Variants in CALCR observed in about 807,000 individuals in gnomAD.
CALCR encodes the protein calcitonin receptor.
CALCR carries 47 observed loss-of-function variants against 59.5 expected under a neutral mutation model. That is an observed-to-expected ratio of 0.79 (90% CI 0.63 to 1.01). The LOEUF (loss-of-function observed/expected upper bound fraction) is 1.01. Ranked by LOEUF, CALCR falls within the 50% of genes least tolerant of loss-of-function variation. The pLI is 0.00. For missense variants in CALCR, 566 were observed against 597.1 expected, an observed-to-expected ratio of 0.95 and a Z score of 0.54; for synonymous variants, 213 against 211.3, an observed-to-expected ratio of 1.01 and a Z score of -0.07.
At chr7:93,489,953 C>T (rs1345896136) in intron 2 of CALCR, among the ~76,000 whole-genome samples, 1 of 151,722 alleles carries the variant, frequency 6.6e-6, no homozygotes, top group Non-Finnish European at 1.5e-5. Context: ...AGAGACACAA[C>T]AAAAGAAGAA....
intron 13 of CALCR, among the ~76,000 whole-genome samples, chr7:93,433,413 A>G (rs905721228): frequency 2.0e-5 from 3 of 152,186 alleles, no homozygotes; most frequent in Non-Finnish European, 2.9e-5. Context: ...TCCAGGAAGG[A>G]ATTATAGATA....
intron 2 of CALCR, among the ~76,000 whole-genome samples, chr7:93,506,408 C>T (rs1421231991): frequency 6.6e-6 from 1 of 152,142 alleles, no homozygotes; most frequent in African/African-American, 2.4e-5. Flanking sequence ...CACTTGAGGC[C>T]TCATAACCAA....
intron 2 of CALCR, among the ~76,000 whole-genome samples, chr7:93,501,366 T>C (rs984123529): frequency 1.3e-5 from 2 of 152,124 alleles, no homozygotes; most frequent in Admixed American, 1.3e-4. Flanking sequence ...TGGCACATTA[T>C]AATTTTACAA....
chr7:93,502,613 T>C (rs967918290), intron 2 of CALCR, among the ~76,000 whole-genome samples: 8 of 152,098 alleles, frequency 5.3e-5, no homozygotes, highest in Admixed American at 1.3e-4. Context: ...AAGGTTTTTT[T>C]CCTCTTGATA....
At position 93,425,737 on chromosome 7, in the gene CALCR, A is replaced by G; in HGVS notation, c.*619T>C. Reference sequence around the variant, plus strand: ...AATGTTTTCAGCAAATTGACTCTAAATTTCTTTTGCATTCAAAGCATACAT... The same window carrying G: ...AATGTTTTCAGCAAATTGACTCTAAGTTTCTTTTGCATTCAAAGCATACAT... On this transcript the variant is annotated 3_prime_UTR_variant, in exon 14 of 14. Coordinates refer to ENST00000426151, the MANE Select transcript of CALCR (RefSeq NM_001742.4). The G allele has an allele frequency of 6.6e-6, 1 of 152,220 alleles. No individual in the cohort carries two copies. Among genetic ancestry groups the G allele is most frequent in the South Asian group, 2.1e-4 (1 of 4,828 alleles). 9.4% of individuals were successfully genotyped at this position (152,220 alleles called of 1,614,324 possible). A position where few individuals can be genotyped will look rare whatever the true frequency, so the allele number is the denominator to read the frequency against.
intron 7 of CALCR, among the ~76,000 whole-genome samples, chr7:93,461,421 C>A (rs1035942576): frequency 3.9e-5 from 6 of 152,130 alleles, no homozygotes; most frequent in Non-Finnish European, 8.8e-5. Context: ...TGAGCCATTG[C>A]ATACACACAC....
chr7:93,505,032 C>T (rs1487412250), intron 2 of CALCR, among the ~76,000 whole-genome samples: 1 of 152,054 alleles, frequency 6.6e-6, no homozygotes, highest in Admixed American at 6.6e-5. Flanking sequence ...GTCCCACCAC[C>T]TATACTATTT....
rs1022418154 is a variant in CALCR, at chr7:93,425,221, T to C, written c.*1135A>G. ...ACATGAATTGATTTATGGTTAAATT[T>C]GGAGCAGTTAATTTTTTCCCCTCCT... On this transcript the variant is annotated 3_prime_UTR_variant, in exon 14 of 14. Transcript: ENST00000426151. 6.6e-6 allele frequency: 1 copy of C among 152,618 alleles called. No homozygotes were observed. Among genetic ancestry groups the C allele is most frequent in the Non-Finnish European group, 1.5e-5 (1 of 68,020 alleles). The allele number at this position is 152,618 out of a possible 1,614,324, so 9.5% of individuals were successfully genotyped here. A position where few individuals can be genotyped will look rare whatever the true frequency, so the allele number is the denominator to read the frequency against.
intron 11 of CALCR, among the ~76,000 whole-genome samples, chr7:93,437,457 T>TA (rs916389190): frequency 6.6e-6 from 1 of 152,100 alleles, no homozygotes; most frequent in African/African-American, 2.4e-5. Flanking sequence ...ACTTTTCCCT[T>TA]AAAAAAATCA....
chr7:93,536,760 T>C (rs1789001135), intron 2 of CALCR, among the ~76,000 whole-genome samples: 3 of 151,850 alleles, frequency 2.0e-5, no homozygotes, highest in Admixed American at 6.6e-5. Context: ...GTTTATTTTT[T>C]CTCATGTTGG....
At chr7:93,447,832 A>G (rs1800035020) in intron 8 of CALCR, among the ~76,000 whole-genome samples, 1 of 151,950 alleles carries the variant, frequency 6.6e-6, no homozygotes, top group African/African-American at 2.4e-5. Context: ...AAATGCCAAT[A>G]CCTCAGGAAG....
chr7:93,429,435 A>T (rs1235032550), intron 13 of CALCR, among the ~76,000 whole-genome samples: 2 of 152,228 alleles, frequency 1.3e-5, no homozygotes, highest in Non-Finnish European at 2.9e-5. Context: ...TCACTAAAAA[A>T]GCAATACACA....
intron 3 of CALCR, among the ~76,000 whole-genome samples, chr7:93,485,585 T>C (rs1052077701): frequency 4.0e-5 from 6 of 151,640 alleles, no homozygotes; most frequent in Non-Finnish European, 8.9e-5. Flanking sequence ...ATTTGAGCTA[T>C]GAAAAATAAC....
chr7:93,448,377 T>C (rs1196608674), intron 8 of CALCR, among the ~76,000 whole-genome samples: 1 of 152,006 alleles, frequency 6.6e-6, no homozygotes, highest in Non-Finnish European at 1.5e-5. Context: ...ATAACAGCCA[T>C]ATGTTTCCTA....
At chr7:93,483,932 C>A in intron 3 of CALCR, 1 of 483,218 alleles carries the variant, frequency 2.1e-6, no homozygotes, top group Non-Finnish European at 4.5e-6. Context: ...AATTGTTGTC[C>A]CATGTAGCAG....
intron 2 of CALCR, among the ~76,000 whole-genome samples, chr7:93,515,834 C>T (rs1801639231): frequency 6.6e-6 from 1 of 151,770 alleles, no homozygotes; most frequent in East Asian, 1.9e-4. Context: ...AATCTGAATG[C>T]GAAGTTTTAG....
rs146077179 is a variant in CALCR, at chr7:93,573,310, C to A, written c.-27+979G>T. Among the ~76,000 whole-genome samples the A allele has an allele frequency of 1.3e-3, 197 of 152,252 alleles. 1 individual carries two copies. The highest frequency in any genetic ancestry group is 4.5e-3 in the African/African-American group (186 of 41,544). On this transcript the variant is annotated intron_variant, in intron 2 of 13. Coordinates refer to ENST00000426151, the MANE Select transcript of CALCR (RefSeq NM_001742.4). ...CATTTAAGACAGACTTAAACTCGGACGCTCTGTAATTTAAAGATTAGCTTT... is the reference window on the plus strand; with the variant it reads ...CATTTAAGACAGACTTAAACTCGGAAGCTCTGTAATTTAAAGATTAGCTTT...
chr7:93,430,089 G>A (rs1242647580), intron 13 of CALCR, among the ~76,000 whole-genome samples: 2 of 102,324 alleles, frequency 2.0e-5, no homozygotes, highest in Non-Finnish European at 3.9e-5. Context: ...CTGCCACCAA[G>A]CCCGGCTAAT....
At chr7:93,454,365 A>G (rs1268000653) in intron 8 of CALCR, among the ~76,000 whole-genome samples, 1 of 152,082 alleles carries the variant, frequency 6.6e-6, no homozygotes, top group East Asian at 1.9e-4. Context: ...ATTTGACTTT[A>G]CTTATATAAG....
Sources: allele counts gnomAD v4.1 joint callset (sites outside exome capture counted in the v4.1 genomes callset), GRCh38; gene constraint gnomAD v4.1.1; transcripts MANE v1.5; gene names NCBI Gene and HGNC (gene_info 2026-07-23, HGNC 2026-07-21).